Variants in JMJD1C observed in about 807,000 individuals in gnomAD.
JMJD1C encodes the protein jumonji domain containing 1C.
Under a neutral mutation model 245.3 loss-of-function variants are expected in JMJD1C, and 31 were observed. The observed-to-expected ratio is 0.13, with a 90% CI of 0.09 to 0.17. The LOEUF is 0.17. JMJD1C is among the 10% of genes least tolerant of loss of function. The pLI, the probability that JMJD1C is intolerant of heterozygous loss-of-function variation, is 1.00. For missense variants in JMJD1C, 2,691 were observed against 3,000.2 expected, an observed-to-expected ratio of 0.90 and a Z score of 2.41; for synonymous variants, 1,057 against 1,017.4, an observed-to-expected ratio of 1.04 and a Z score of -0.74.
At chr10:63,361,845 A>G (rs1318592768) in intron 2 of JMJD1C, among the ~76,000 whole-genome samples, 1 of 152,102 alleles carries the variant, frequency 6.6e-6, no homozygotes, top group Admixed American at 6.6e-5. Context: ...CTACTTTTAA[A>G]TGTACTTAAT....
chr10:63,455,694 T>C (rs1213359290), intron 1 of JMJD1C, among the ~76,000 whole-genome samples: 1 of 152,164 alleles, frequency 6.6e-6, no homozygotes, highest in Non-Finnish European at 1.5e-5. Context: ...TTCTGGCCTA[T>C]GAAATCATTA....
chr10:63,217,108 G>A (rs936355908), intron 5 of JMJD1C, 99 bp downstream of exon 5: 14 of 1,090,752 alleles, frequency 1.3e-5, no homozygotes, highest in Non-Finnish European at 1.8e-5. Context: ...AAACCCTAGA[G>A]ATAAAAATTA....
At chr10:63,313,099 C>T (rs1252367627) in intron 2 of JMJD1C, among the ~76,000 whole-genome samples, 1 of 152,102 alleles carries the variant, frequency 6.6e-6, no homozygotes, top group Non-Finnish European at 1.5e-5. Flanking sequence ...TCAATCCCCA[C>T]CCACCATTTC....
intron 2 of JMJD1C, chr10:63,269,065 G>A (rs367600404): frequency 8.1e-6 from 8 of 985,320 alleles, no homozygotes; most frequent in Non-Finnish European, 9.6e-6. Context: ...ATCTGGGTCA[G>A]GATAATTTCT....
At chr10:63,345,645 T>C (rs1341749007) in intron 2 of JMJD1C, among the ~76,000 whole-genome samples, 2 of 152,112 alleles carry the variant, frequency 1.3e-5, no homozygotes, top group Admixed American at 6.6e-5. Flanking sequence ...ATGCAGAAAC[T>C]AGCCAGAGGT....
intron 2 of JMJD1C, among the ~76,000 whole-genome samples, chr10:63,286,460 A>T (rs931921322): frequency 6.6e-6 from 1 of 152,208 alleles, no homozygotes; most frequent in African/African-American, 2.4e-5. Flanking sequence ...ATCTCAGAGC[A>T]GAGCACCTCA....
intron 1 of JMJD1C, among the ~76,000 whole-genome samples, chr10:63,415,482 T>C (rs548346729): frequency 2.0e-5 from 3 of 152,346 alleles, no homozygotes; most frequent in South Asian, 2.1e-4. Flanking sequence ...GTTCAATTCA[T>C]GTGGATTCAG....
chr10:63,358,733 A>C (rs979591229), intron 2 of JMJD1C: 16 of 152,380 alleles, frequency 1.1e-4, no homozygotes, highest in African/African-American at 3.9e-4. Context: ...GGTAAGTTTC[A>C]ACGTTAATAG....
Position 63,214,556 on chromosome 10 carries a change from C to A in JMJD1C, c.1611G>T (p.Met537Ile). Residue 537 changes from methionine (M) to isoleucine (I), a missense_variant, in exon 8 of 26, where the codon ATG (methionine) becomes ATT (isoleucine). By Grantham distance (10) the Met-to-Ile change is conservative (BLOSUM62 1). This residue lies in a region of JMJD1C where 1,562 missense variants were observed against 1,490.7 expected (regional missense o/e 1.05). Coordinates refer to ENST00000399262, the MANE Select transcript of JMJD1C (RefSeq NM_032776.3). ...STFGLQTLQK[M>I]DPNVSDSKHS... Reference sequence around the variant, plus strand: ...GTTTTGAATCACTAACATTAGGATCCATTTTCTGAAGTGTCTGAAGGCCAA... The same window carrying A: ...GTTTTGAATCACTAACATTAGGATCAATTTTCTGAAGTGTCTGAAGGCCAA... The A allele has an allele frequency of 6.2e-7, 1 of 1,613,844 alleles. No individual in the cohort carries two copies. Among genetic ancestry groups the A allele is most frequent in the Non-Finnish European group, 8.5e-7 (1 of 1,179,902 alleles).
intron 1 of JMJD1C, among the ~76,000 whole-genome samples, chr10:63,426,786 T>A (rs943682069): frequency 6.6e-6 from 1 of 152,176 alleles, no homozygotes; most frequent in African/African-American, 2.4e-5. Context: ...TTTTCACCAC[T>A]AGTTTTAGAA....
intron 1 of JMJD1C, among the ~76,000 whole-genome samples, chr10:63,493,312 AGTGCAGTG>A (rs1954238946): frequency 9.0e-6 from 1 of 110,614 alleles, no homozygotes; most frequent in East Asian, 3.2e-4. Context: ...CCCAGGCTGG[AGTGCAGTG>A]GCATGATCTA....
intron 3 of JMJD1C, among the ~76,000 whole-genome samples, chr10:63,257,226 CAAAAA>C (rs71025139): frequency 1.1e-5 from 1 of 92,652 alleles, no homozygotes; most frequent in Non-Finnish European, 2.2e-5. Flanking sequence ...GACTTCATCT[CAAAAA>C]AAAAAAAAAA....
intron 3 of JMJD1C, among the ~76,000 whole-genome samples, chr10:63,221,696 C>T (rs1233534297): frequency 6.6e-6 from 1 of 152,146 alleles, no homozygotes; most frequent in South Asian, 2.1e-4. Context: ...ACAGTCTAGT[C>T]GATAACAAAC....
intron 2 of JMJD1C, among the ~76,000 whole-genome samples, chr10:63,265,853 G>T (rs1855506521): frequency 6.6e-6 from 1 of 152,026 alleles, no homozygotes; most frequent in African/African-American, 2.4e-5. Flanking sequence ...CAAATTACCA[G>T]GCATTTCAAA....
upstream of JMJD1C, among the ~76,000 whole-genome samples, chr10:63,470,848 C>T (rs1475844345): frequency 3.3e-5 from 5 of 152,172 alleles, no homozygotes; most frequent in African/African-American, 1.2e-4. Flanking sequence ...TAAATTCTGG[C>T]TGCACAGGAA....
At chr10:63,328,675 T>C (rs145313077) in intron 2 of JMJD1C, among the ~76,000 whole-genome samples, 2,259 of 152,350 alleles carry the variant, frequency 0.015, 35 homozygotes, top group Non-Finnish European at 0.02. Context: ...CTGTGTATTT[T>C]GAGGGTGTAC....
intron 2 of JMJD1C, among the ~76,000 whole-genome samples, chr10:63,272,844 A>G (rs1031710676): frequency 1.3e-5 from 2 of 152,234 alleles, no homozygotes; most frequent in Admixed American, 6.5e-5. Flanking sequence ...AAGTTTGTCT[A>G]CACTATATGA....
intron 1 of JMJD1C, among the ~76,000 whole-genome samples, chr10:63,383,551 T>A (rs2134526491): frequency 6.6e-6 from 1 of 151,934 alleles, no homozygotes; most frequent in African/African-American, 2.4e-5. Flanking sequence ...ATGAAAAAAA[T>A]TAGCCAGGCA....
intron 2 of JMJD1C, among the ~76,000 whole-genome samples, chr10:63,285,320 T>C (rs559228754): frequency 6.6e-6 from 1 of 152,264 alleles, no homozygotes; most frequent in East Asian, 1.9e-4. Flanking sequence ...AGGGGTCCAT[T>C]GGCCGGAAAA....
Sources: gnomAD v4.1 joint callset for allele counts (sites outside exome capture counted in the v4.1 genomes callset) on GRCh38, gnomAD v4.1.1 for gene constraint, gnomAD v4.1.1 regional missense constraint, MANE v1.5 for transcripts, NCBI Gene and HGNC (gene_info 2026-07-23, HGNC 2026-07-21) for gene names.